Variants in ABLIM2 observed in about 807,000 individuals in gnomAD.
The protein encoded by ABLIM2 is actin-binding LIM protein 2.
In ABLIM2, 53 loss-of-function variants were observed where a neutral mutation model predicts 97.7. That is an observed-to-expected ratio of 0.54 (90% CI 0.44 to 0.68). The LOEUF (loss-of-function observed/expected upper bound fraction) is 0.68. ABLIM2 is among the 30% of genes least tolerant of loss of function. The pLI is 0.00. For synonymous variants in ABLIM2, 361 were observed against 345.8 expected (o/e 1.04, Z -0.49); for missense variants, 835 against 867.2 (o/e 0.96, Z 0.47).
In ABLIM2 at chr4:8,113,064, G is replaced by A. The variant is rs935045948; in HGVS notation, c.11-6427C>T. ...CGAACCAGCTCTCACGACCCAGACA[G>A]CAGAGTCCTCATCATTCCGTGATCT... On this transcript the variant is annotated intron_variant, in intron 1 of 20. Coordinates refer to ENST00000447017, the MANE Select transcript of ABLIM2 (RefSeq NM_001130083.2). This position sits in a 1 kb window ranked among gnomAD's most constrained non-coding sequence, Gnocchi z 4.5. 1.3e-5 allele frequency among the ~76,000 whole-genome samples: 2 copies of A among 152,172 alleles called. No individual in the cohort carries two copies. Among genetic ancestry groups the A allele is most frequent in the Non-Finnish European group, 2.9e-5 (2 of 68,034 alleles).
At chr4:8,114,243 C>T (rs112818310) in intron 1 of ABLIM2, among the ~76,000 whole-genome samples, 2,702 of 152,116 alleles carry the variant, frequency 0.018, 37 homozygotes, top group Non-Finnish European at 0.028. Flanking sequence ...CAGTCCTTGC[C>T]GGGAGACAGG....
At chr4:8,040,980 AG>A (rs1788074181) in intron 9 of ABLIM2, among the ~76,000 whole-genome samples, 1 of 152,266 alleles carries the variant, frequency 6.6e-6, no homozygotes, top group African/African-American at 2.4e-5. Context: ...TGAGGCCAAG[AG>A]GAAGCAGCAT....
chr4:8,148,738 G>A lies in ABLIM2; in HGVS notation c.10+9942C>T, dbSNP rs540717768. 3.3e-5 allele frequency among the ~76,000 whole-genome samples: 5 copies of A among 152,146 alleles called. No homozygotes were observed. Among genetic ancestry groups the A allele is most frequent in the African/African-American group, 7.2e-5 (3 of 41,424 alleles). ...CCAAACCACACAGGAACTCAGAGTC[G>A]GAAAGATCCTCTAGGACAAGCCCAA... On this transcript the variant is annotated intron_variant, in intron 1 of 20. Transcript: ENST00000447017. The surrounding 1 kb of genome is among the most constrained non-coding windows in gnomAD (Gnocchi z 6.7).
intron 1 of ABLIM2, 51 bp downstream of exon 1, chr4:8,158,629 C>T: frequency 1.3e-6 from 2 of 1,504,192 alleles, no homozygotes; most frequent in South Asian, 1.2e-5. Context: ...GCCCTTGCGG[C>T]GCCGCGAGCC....
At chr4:8,051,742 T>C (rs1796182322) in intron 8 of ABLIM2, among the ~76,000 whole-genome samples, 1 of 152,204 alleles carries the variant, frequency 6.6e-6, no homozygotes, top group South Asian at 2.1e-4. Context: ...TGTGGCCTTC[T>C]TGCCCTTGCC....
In ABLIM2 at chr4:8,069,636, G is replaced by A. The variant is rs189121360; in HGVS notation, c.675+7992C>T. ...CTTTCCGTGTGTCTGTGTGTGCATC[G>A]TGTGTGCTGTCTTGGTTGTCTGTGT... On this transcript the variant is annotated intron_variant, in intron 6 of 20. Transcript: ENST00000447017. This position sits in a 1 kb window ranked among gnomAD's most constrained non-coding sequence, Gnocchi z 4.2. Among the ~76,000 whole-genome samples, 3 of 152,042 alleles carry A rather than the reference G, an allele frequency of 2.0e-5. No homozygotes were observed. Among genetic ancestry groups the A allele is most frequent in the South Asian group, 4.2e-4 (2 of 4,806 alleles).
At chr4:8,063,984 G>C (rs1580262452) in intron 6 of ABLIM2, among the ~76,000 whole-genome samples, 1 of 152,010 alleles carries the variant, frequency 6.6e-6, no homozygotes, top group African/African-American at 2.4e-5. Flanking sequence ...TCCCTTACAT[G>C]CCTACCTTAT....
Position 8,026,416 on chromosome 4 carries a change from G to A in ABLIM2, c.1267+1343C>T, listed in dbSNP as rs1252497829. On this transcript the variant is annotated intron_variant, in intron 12 of 20. Transcript: ENST00000447017. ...TGGCCAGGAACTCTCAGTAGGCCAC[G>A]GGGCCCGCCCAAAGCAATGATGATG... is the stretch of plus-strand genomic sequence containing the variant. 5.9e-5 allele frequency among the ~76,000 whole-genome samples: 9 copies of A among 152,336 alleles called. No homozygotes were observed. The South Asian group carries it at 8.3e-4, about 14-fold the overall frequency.
At chr4:8,151,377 GC>G (rs1392700460) in intron 1 of ABLIM2, among the ~76,000 whole-genome samples, 1 of 152,132 alleles carries the variant, frequency 6.6e-6, no homozygotes, top group Non-Finnish European at 1.5e-5. Flanking sequence ...AGAATCCAAA[GC>G]CCCCTCCTCC....
chr4:8,005,457 T>C lies in ABLIM2; in HGVS notation c.1618+2602A>G. ...GGTGCAGGTGGCGTGCCTTGCTGTG[T>C]GCAAATGCTTTGTTCAGTAAAAGCT... On this transcript the variant is annotated intron_variant, in intron 16 of 20. Coordinates refer to ENST00000447017, the MANE Select transcript of ABLIM2 (RefSeq NM_001130083.2). The surrounding 1 kb of genome is among the most constrained non-coding windows in gnomAD (Gnocchi z 4.9). The C allele has an allele frequency of 1.9e-6, 1 of 531,972 alleles. No individual in the cohort carries two copies. The highest frequency in any genetic ancestry group is 1.9e-5 in the Admixed American group (1 of 51,608). The allele number at this position is 531,972 out of a possible 1,614,324, so 33.0% of individuals were successfully genotyped here.
intron 9 of ABLIM2, among the ~76,000 whole-genome samples, chr4:8,037,151 T>A (rs982794881): frequency 6.6e-6 from 1 of 152,174 alleles, no homozygotes; most frequent in Non-Finnish European, 1.5e-5. Flanking sequence ...TTTGTATTAT[T>A]TTTTATTGTT....
intron 20 of ABLIM2, among the ~76,000 whole-genome samples, chr4:7,969,201 C>T (rs1472670600): frequency 6.6e-6 from 1 of 152,082 alleles, no homozygotes; most frequent in Admixed American, 6.6e-5. Flanking sequence ...CACCTGTAAT[C>T]CCAGCACTTT....
In ABLIM2 at chr4:8,157,536, G is replaced by C. The variant is rs889178677; in HGVS notation, c.10+1144C>G. ...GCCGTCCCTCCTTCCTTGGATTGGA[G>C]GGGGAGGGAGACAATCTCCCCAGGG... On this transcript the variant is annotated intron_variant, in intron 1 of 20. Transcript: ENST00000447017. 8.5e-5 allele frequency among the ~76,000 whole-genome samples: 13 copies of C among 152,330 alleles called. No individual in the cohort carries two copies. In the East Asian group the frequency reaches 1.4e-3, roughly 16 times the overall value.
chr4:8,097,674 G>A (rs887422751), intron 2 of ABLIM2, among the ~76,000 whole-genome samples: 12 of 152,194 alleles, frequency 7.9e-5, no homozygotes, highest in African/African-American at 2.9e-4. Flanking sequence ...TACAGATCAG[G>A]AAGGGGCTAA....
chr4:8,080,379 A>G (rs1819000124), intron 5 of ABLIM2, among the ~76,000 whole-genome samples: 1 of 152,204 alleles, frequency 6.6e-6, no homozygotes. Context: ...AAGGCACTTC[A>G]AAAACTCAGC....
chr4:8,092,004 T>G (rs1056601127), intron 3 of ABLIM2, among the ~76,000 whole-genome samples: 13 of 138,974 alleles, frequency 9.4e-5, no homozygotes, highest in African/African-American at 3.0e-4. Context: ...ATATAATATA[T>G]ATATATTTTT....
In ABLIM2 at chr4:8,043,586, C is replaced by T. The variant is rs773561986; in HGVS notation, c.900+1578G>A. On this transcript the variant is annotated intron_variant, in intron 9 of 20. Transcript: ENST00000447017. The surrounding 1 kb of genome is among the most constrained non-coding windows in gnomAD (Gnocchi z 4.8). ...GTCCTTATGGGAAGAAATCAGGACC[C>T]GGATGCACACAGATGACCCGTGATG... 1.5e-4 allele frequency among the ~76,000 whole-genome samples: 23 copies of T among 152,016 alleles called. No homozygotes were observed. The highest frequency in any genetic ancestry group is 3.9e-4 in the Admixed American group (6 of 15,270).
chr4:8,109,113 C>A (rs552000798), intron 1 of ABLIM2, among the ~76,000 whole-genome samples: 2 of 152,256 alleles, frequency 1.3e-5, no homozygotes, highest in Non-Finnish European at 1.5e-5. Context: ...ACTGGCCCCC[C>A]ACCGCCTGTC....
At chr4:8,017,373 G>A (rs888748377) in intron 14 of ABLIM2, among the ~76,000 whole-genome samples, 3 of 150,882 alleles carry the variant, frequency 2.0e-5, no homozygotes, top group Non-Finnish European at 2.9e-5. Context: ...TGCAACTTCC[G>A]CCTCCTGGGT....
Sources: allele counts gnomAD v4.1 joint callset (sites outside exome capture counted in the v4.1 genomes callset), GRCh38; gene constraint gnomAD v4.1.1; non-coding constraint Gnocchi (gnomAD v3.1); transcripts MANE v1.5; gene names NCBI Gene and HGNC (gene_info 2026-07-23, HGNC 2026-07-21).